The following KLF12 variants were observed in gnomAD, a reference collection of about 807,000 sequenced individuals.
The protein encoded by KLF12 is KLF transcription factor 12.
Under a neutral mutation model 37.8 loss-of-function variants are expected in KLF12, and 9 were observed. That is an observed-to-expected ratio of 0.24 (90% CI 0.14 to 0.42). KLF12 has a LOEUF of 0.42. Among genes scored for constraint, KLF12 ranks in the 10% least tolerant of loss-of-function variants. The pLI is 1.00. For missense variants in KLF12, 411 were observed against 516.0 expected (o/e 0.80, Z 1.97); for synonymous variants, 208 against 202.1 (o/e 1.03, Z -0.25).
At chr13:74,015,602 G>C (rs531386318) in intron 1 of KLF12, among the ~76,000 whole-genome samples, 9 of 152,210 alleles carry the variant, frequency 5.9e-5, no homozygotes, top group African/African-American at 2.2e-4. Context: ...ACACCCCCTA[G>C]ATATACTTAC....
At chr13:73,765,832 A>G (rs534732728) in intron 5 of KLF12, among the ~76,000 whole-genome samples, 1 of 152,256 alleles carries the variant, frequency 6.6e-6, no homozygotes, top group South Asian at 2.1e-4. Context: ...AAGCAGTCTT[A>G]GCTTGTATTA....
At chr13:74,039,099 T>A (rs1322816350) in intron 1 of KLF12, among the ~76,000 whole-genome samples, 3 of 152,048 alleles carry the variant, frequency 2.0e-5, no homozygotes, top group African/African-American at 4.8e-5. Flanking sequence ...AATATTTTAT[T>A]TACGCATTTT....
At chr13:73,873,595 T>C (rs1326257502) in intron 3 of KLF12, among the ~76,000 whole-genome samples, 1 of 152,188 alleles carries the variant, frequency 6.6e-6, no homozygotes, top group Non-Finnish European at 1.5e-5. Context: ...TCTCTGTGTT[T>C]ATATTGGTTT....
intron 3 of KLF12, among the ~76,000 whole-genome samples, chr13:73,849,321 G>A (rs1422767111): frequency 6.8e-6 from 1 of 147,158 alleles, no homozygotes; most frequent in Non-Finnish European, 1.5e-5. Context: ...GGAGGCTGCA[G>A]TGAGCCAAGA....
At chr13:73,975,245 A>T (rs2138137597) in intron 2 of KLF12, among the ~76,000 whole-genome samples, 1 of 152,252 alleles carries the variant, frequency 6.6e-6, no homozygotes, top group East Asian at 1.9e-4. Flanking sequence ...AGAATGAGGT[A>T]TTGTCCAATT....
intron 6 of KLF12, among the ~76,000 whole-genome samples, chr13:73,756,659 G>C (rs1422980362): frequency 1.3e-5 from 2 of 152,094 alleles, no homozygotes; most frequent in Non-Finnish European, 2.9e-5. Flanking sequence ...AATTTATAAA[G>C]AGTAGTCTTT....
At position 73,688,389 on chromosome 13, in the gene KLF12, C is replaced by G. The variant is rs1873619776; in HGVS notation, c.*7101G>C. Reference sequence around the variant, plus strand: ...TCCATTATCTCTCCTTTATCATCATCTGAACGTTTGATTGCCACCCCATTA... The same window carrying G: ...TCCATTATCTCTCCTTTATCATCATGTGAACGTTTGATTGCCACCCCATTA... On this transcript the variant is annotated 3_prime_UTR_variant, in exon 8 of 8. Transcript: ENST00000377669. The G allele has an allele frequency of 6.6e-6, 1 of 152,196 alleles. No individual in the cohort carries two copies. Among genetic ancestry groups the G allele is most frequent in the African/African-American group, 2.4e-5 (1 of 41,454 alleles). The allele number at this position is 152,196 out of a possible 1,614,324, so 9.4% of individuals were successfully genotyped here. A position where few individuals can be genotyped will look rare whatever the true frequency, so the allele number is the denominator to read the frequency against.
At chr13:74,120,938 T>C (rs1246620697) in intron 1 of KLF12, among the ~76,000 whole-genome samples, 1 of 151,860 alleles carries the variant, frequency 6.6e-6, no homozygotes, top group Non-Finnish European at 1.5e-5. Flanking sequence ...CAAGCCCAAA[T>C]AGAGCAAGAT....
chr13:73,856,258 G>A (rs142933642), intron 3 of KLF12, among the ~76,000 whole-genome samples: 2,069 of 152,288 alleles, frequency 0.014, 46 homozygotes, highest in African/African-American at 0.047. Flanking sequence ...TGCTAATCAG[G>A]TGTGAGTTAC....
chr13:74,096,435 T>G (rs17062108), intron 1 of KLF12, among the ~76,000 whole-genome samples: 9,911 of 152,142 alleles, frequency 0.065, 1,037 homozygotes, highest in African/African-American at 0.22. Flanking sequence ...AAGATTACAA[T>G]CACAATGAAC....
At chr13:73,887,028 C>CT (rs771921265) in intron 3 of KLF12, among the ~76,000 whole-genome samples, 1 of 150,024 alleles carries the variant, frequency 6.7e-6, no homozygotes, top group African/African-American at 2.4e-5. Flanking sequence ...AAAAGTATAA[C>CT]TTTTTTAGCA....
the KLF12 span, among the ~76,000 whole-genome samples, chr13:74,254,215 C>T: frequency 6.6e-6 from 1 of 152,146 alleles, no homozygotes; most frequent in Admixed American, 6.5e-5. Context: ...TCCACATAGT[C>T]TTTACTGATT....
At chr13:73,956,350 G>A (rs1890830834) in intron 2 of KLF12, among the ~76,000 whole-genome samples, 1 of 152,202 alleles carries the variant, frequency 6.6e-6, no homozygotes, top group South Asian at 2.1e-4. Context: ...GAAGTCCATT[G>A]TTGTAACTCA....
the KLF12 span, among the ~76,000 whole-genome samples, chr13:74,164,547 T>C: frequency 6.6e-6 from 1 of 152,246 alleles, no homozygotes; most frequent in Non-Finnish European, 1.5e-5. Context: ...ATGTTTCATT[T>C]AAATAGTTTC....
intron 3 of KLF12, among the ~76,000 whole-genome samples, chr13:73,932,320 G>GAAAGGAC (rs1049877319): frequency 1.3e-5 from 2 of 152,128 alleles, no homozygotes; most frequent in Non-Finnish European, 2.9e-5. Flanking sequence ...TAAGACAACA[G>GAAAGGAC]AAAGGACTGA....
At chr13:73,752,793 T>C (rs1338856673) in intron 6 of KLF12, among the ~76,000 whole-genome samples, 1 of 150,778 alleles carries the variant, frequency 6.6e-6, no homozygotes, top group Non-Finnish European at 1.5e-5. Context: ...CTCAGCTCAC[T>C]GTAACCTCTG....
chr13:73,798,246 T>C (rs1882103024), intron 5 of KLF12, among the ~76,000 whole-genome samples: 1 of 152,156 alleles, frequency 6.6e-6, no homozygotes, highest in Non-Finnish European at 1.5e-5. Flanking sequence ...GACCCCTTCC[T>C]TACACCATAT....
At chr13:74,185,262 C>A in the KLF12 span, among the ~76,000 whole-genome samples, 1 of 152,124 alleles carries the variant, frequency 6.6e-6, no homozygotes, top group South Asian at 2.1e-4. Flanking sequence ...TTATTTAGGT[C>A]CTTCTCTCCT....
intron 7 of KLF12, among the ~76,000 whole-genome samples, chr13:73,704,309 G>T (rs1230627568): frequency 6.6e-6 from 1 of 152,144 alleles, no homozygotes; most frequent in Non-Finnish European, 1.5e-5. Flanking sequence ...TCTTCAATAT[G>T]AGCAAAACTT....
Sources: gnomAD v4.1 joint callset for allele counts (sites outside exome capture counted in the v4.1 genomes callset) on GRCh38, gnomAD v4.1.1 for gene constraint, MANE v1.5 for transcripts, NCBI Gene and HGNC (gene_info 2026-07-23, HGNC 2026-07-21) for gene names.